The following KDSR variants were observed in gnomAD, a reference collection of about 807,000 sequenced individuals.
The protein encoded by KDSR is 3-ketodihydrosphingosine reductase.
In KDSR, 23 loss-of-function variants were observed where a neutral mutation model predicts 41.3. The ratio of observed to expected loss-of-function variants is 0.56; its 90% CI spans 0.40 to 0.79. The LOEUF (loss-of-function observed/expected upper bound fraction) is 0.79, where lower values mean the gene tolerates loss of function less well. KDSR is among the 30% of genes least tolerant of loss of function. The pLI is 0.00. For missense variants in KDSR, 351 were observed against 416.8 expected, an observed-to-expected ratio of 0.84 and a Z score of 1.37; for synonymous variants, 138 against 151.7, an observed-to-expected ratio of 0.91 and a Z score of 0.66.
chr18:63,333,338 G>T (rs1042270388), intron 9 of KDSR, among the ~76,000 whole-genome samples: 8 of 152,154 alleles, frequency 5.3e-5, no homozygotes, highest in Admixed American at 5.2e-4. Flanking sequence ...CTCCTGACTT[G>T]GCCTCCCAAA....
intron 1 of KDSR, among the ~76,000 whole-genome samples, chr18:63,365,360 T>C (rs980545994): frequency 7.2e-5 from 11 of 152,246 alleles, no homozygotes; most frequent in Non-Finnish European, 1.6e-4. Context: ...CTCCCAACAA[T>C]ACCACAGTCA....
chr18:63,339,236 T>G (rs139226249), intron 7 of KDSR, among the ~76,000 whole-genome samples: 2 of 151,814 alleles, frequency 1.3e-5, no homozygotes, highest in East Asian at 4.1e-4. Context: ...TGAATGATGG[T>G]GCTTTTCTGT....
intron 6 of KDSR, among the ~76,000 whole-genome samples, chr18:63,348,573 T>C (rs1308238862): frequency 1.3e-5 from 2 of 152,058 alleles, no homozygotes; most frequent in African/African-American, 2.4e-5. Context: ...TAAGTGAGGG[T>C]ATTTTTAATA....
chr18:63,348,323 TA>T (rs11335269), intron 6 of KDSR, among the ~76,000 whole-genome samples: 85,024 of 138,144 alleles, frequency 0.62, 27,127 homozygotes, highest in Non-Finnish European at 0.72. Context: ...AAATAAAAAT[TA>T]AAAAAAAAAA....
intron 3 of KDSR, among the ~76,000 whole-genome samples, chr18:63,358,730 G>A (rs1023050239): frequency 2.1e-5 from 3 of 144,280 alleles, no homozygotes; most frequent in Admixed American, 7.4e-5. Context: ...CAGGAGAATC[G>A]CTTGAACCCG....
intron 8 of KDSR, among the ~76,000 whole-genome samples, chr18:63,337,261 G>A (rs1394858343): frequency 2.0e-5 from 3 of 151,570 alleles, no homozygotes; most frequent in South Asian, 4.2e-4. Flanking sequence ...GATTACAGGC[G>A]CATGTCACCA....
At chr18:63,332,006 T>A in intron 9 of KDSR, 105 bp from the exon 10 acceptor site, 1 of 1,178,270 alleles carries the variant, frequency 8.5e-7, no homozygotes, top group Non-Finnish European at 1.2e-6. Context: ...TCTAGTCTGC[T>A]CTAAGGATGA....
Position 63,331,601 on chromosome 18 carries a change from T to G in KDSR, c.*181A>C, listed in dbSNP as rs1325034382. ...CTATTCCATATTTGCATAGTATTAATAATACTGTCAGGAGGTGAACTTCTA... is the reference window on the plus strand; with the variant it reads ...CTATTCCATATTTGCATAGTATTAAGAATACTGTCAGGAGGTGAACTTCTA... On this transcript the variant is annotated 3_prime_UTR_variant, in exon 10 of 10. Transcript: ENST00000645214. 1.8e-6 allele frequency: 1 copy of G among 550,688 alleles called. No homozygotes were observed. Among genetic ancestry groups the G allele is most frequent in the African/African-American group, 1.9e-5 (1 of 53,206 alleles). 34.1% of individuals were successfully genotyped at this position (550,688 alleles called of 1,614,324 possible). A position where few individuals can be genotyped will look rare whatever the true frequency, so the allele number is the denominator to read the frequency against.
chr18:63,360,198 C>G (rs185687594), intron 2 of KDSR, among the ~76,000 whole-genome samples: 1 of 148,018 alleles, frequency 6.8e-6, no homozygotes, highest in African/African-American at 2.5e-5. Context: ...CCTGTCAATA[C>G]TGCTTTTTGT....
At chr18:63,340,482 A>T (rs1266650426) in intron 7 of KDSR, among the ~76,000 whole-genome samples, 2 of 152,204 alleles carry the variant, frequency 1.3e-5, no homozygotes, top group Non-Finnish European at 2.9e-5. Context: ...AAGAGAAAAA[A>T]ATATATAAAA....
chr18:63,346,996 T>C (rs1291678711), intron 6 of KDSR, among the ~76,000 whole-genome samples: 1 of 152,056 alleles, frequency 6.6e-6, no homozygotes, highest in Non-Finnish European at 1.5e-5. Flanking sequence ...TATGAGACAA[T>C]GCTAGCTCCC....
intron 5 of KDSR, 94 bp from the exon 6 acceptor site, chr18:63,351,173 C>T: frequency 9.9e-7 from 1 of 1,013,724 alleles, no homozygotes; most frequent in South Asian, 1.8e-5. Flanking sequence ...TTCTTCAATG[C>T]AAGCTCAAGT....
Position 63,355,571 on chromosome 18 carries a change from A to G in KDSR, c.256-8T>C. On this transcript the variant is annotated splice_polypyrimidine_tract_variant and splice_region_variant and intron_variant, in intron 3 of 9. Transcript: ENST00000645214. ...TGATATGCAAAGCACCACCTGTTAA[A>G]AAAGAAAAAAAGTGATCAAAGTTTT... 6.4e-7 allele frequency: 1 copy of G among 1,562,178 alleles called. No individual in the cohort carries two copies. Among genetic ancestry groups the G allele is most frequent in the Non-Finnish European group, 8.6e-7 (1 of 1,162,416 alleles).
chr18:63,337,787 G>C (rs1914222969), intron 8 of KDSR, among the ~76,000 whole-genome samples: 1 of 152,110 alleles, frequency 6.6e-6, no homozygotes, highest in Non-Finnish European at 1.5e-5. Context: ...AATTAGCCAG[G>C]TGTGGTTGTG....
At chr18:63,344,226 G>C (rs1914430377) in intron 7 of KDSR, 184 bp downstream of exon 7, 1 of 527,418 alleles carries the variant, frequency 1.9e-6, no homozygotes, top group African/African-American at 1.9e-5. Flanking sequence ...AATAAAGTGA[G>C]GGAAAAGAGG....
Position 63,355,536 on chromosome 18 carries a change from A to G in KDSR, c.283T>C (p.Ser95Pro). 6.2e-7 allele frequency: 1 copy of G among 1,603,118 alleles called. No individual in the cohort carries two copies. The highest frequency in any genetic ancestry group is 8.5e-7 in the Non-Finnish European group (1 of 1,177,290). ...TTCTCTACTTGGTTATAGTCTTGAG[A>G]TACATCAACTGATATGCAAAGCACC... ...QVVLCISVDV[S>P]QDYNQVENVI... Residue 95 changes from serine (S) to proline (P), a missense_variant, in exon 4 of 10, where the codon TCT becomes CCT. Physicochemically the swap from Ser to Pro is moderately conservative, Grantham distance 74. Transcript: ENST00000645214.
rs765919072 is a variant in KDSR, at chr18:63,335,247, CA to C, written c.879+9del. On this transcript the variant is annotated intron_variant, in intron 9 of 9. Coordinates refer to ENST00000645214, the MANE Select transcript of KDSR (RefSeq NM_002035.4). ...CGGCCTGTCTGATTGCTAGCCTAGG[CA>C]GAGCTTACCTGCTGGAGCCCCTCAG... 39 of 1,590,084 alleles carry C rather than the reference CA, an allele frequency of 2.5e-5. No homozygotes were observed. The East Asian group carries it at 8.5e-4, about 35-fold the overall frequency.
chr18:63,357,605 A>G (rs1599336727), intron 3 of KDSR, among the ~76,000 whole-genome samples: 2 of 20,146 alleles, frequency 9.9e-5, no homozygotes, highest in Admixed American at 5.2e-4. Flanking sequence ...TTTTTTTTTG[A>G]GATGGAGTCT....
intron 5 of KDSR, among the ~76,000 whole-genome samples, chr18:63,353,638 A>G (rs1001390494): frequency 8.5e-5 from 13 of 152,220 alleles, no homozygotes; most frequent in Admixed American, 3.3e-4. Context: ...ATACAAAGGA[A>G]TATCACCACC....
Sources: allele counts gnomAD v4.1 joint callset (sites outside exome capture counted in the v4.1 genomes callset), GRCh38; gene constraint gnomAD v4.1.1; transcripts MANE v1.5; gene names NCBI Gene and HGNC (gene_info 2026-07-23, HGNC 2026-07-21).